SGCD: variants seen among roughly 807,000 people sequenced by gnomAD.
SGCD encodes the protein sarcoglycan delta, also known as delta-sarcoglycan.
A neutral mutation model predicts 36.6 loss-of-function variants in SGCD; 18 were observed. That is an observed-to-expected ratio of 0.49 (90% confidence interval 0.34 to 0.73). The LOEUF is 0.73. SGCD is among the 30% of genes least tolerant of loss of function. SGCD has a pLI of 0.01. For missense variants in SGCD, 387 were observed against 346.7 expected (o/e 1.12, Z -0.92); for synonymous variants, 133 against 130.6 (o/e 1.02, Z -0.12).
At chr5:156,488,473 T>G (rs937256821) in intron 3 of SGCD, among the ~76,000 whole-genome samples, 5 of 152,088 alleles carry the variant, frequency 3.3e-5, no homozygotes, top group South Asian at 2.1e-4. Flanking sequence ...ATATAAATCT[T>G]ACAGGCCAGG....
chr5:155,924,198 A>C (rs1212923815), intron 1 of SGCD, among the ~76,000 whole-genome samples: 1 of 152,234 alleles, frequency 6.6e-6, no homozygotes, highest in Non-Finnish European at 1.5e-5. Context: ...TACAATTTTT[A>C]CCCAACCCAA....
intron 1 of SGCD, among the ~76,000 whole-genome samples, chr5:155,877,286 C>G (rs1168481768): frequency 6.6e-6 from 1 of 152,072 alleles, no homozygotes; most frequent in African/African-American, 2.4e-5. Context: ...AATTCCCAGG[C>G]ATGGTCGTCT....
chr5:156,117,957 G>A (rs1181710959), intron 2 of SGCD: 4 of 152,120 alleles, frequency 2.6e-5, no homozygotes, highest in Non-Finnish European at 1.5e-5. Context: ...ATGAGGTGAT[G>A]CTGATCTATT....
intron 7 of SGCD, among the ~76,000 whole-genome samples, chr5:156,670,336 G>T (rs1753236270): frequency 6.6e-6 from 1 of 152,302 alleles, no homozygotes; most frequent in Admixed American, 6.5e-5. Flanking sequence ...CTCAAATAGA[G>T]TAATGTGATT....
At chr5:155,912,444 G>A (rs1488123101) in intron 1 of SGCD, among the ~76,000 whole-genome samples, 1 of 152,028 alleles carries the variant, frequency 6.6e-6, no homozygotes, top group Admixed American at 6.6e-5. Flanking sequence ...GCTTCCTATT[G>A]GGGCATGAAC....
chr5:155,756,470 G>GCC, the SGCD span, among the ~76,000 whole-genome samples: 6 of 152,012 alleles, frequency 3.9e-5, no homozygotes, highest in African/African-American at 1.5e-4. Context: ...CCCCCAAATT[G>GCC]TTGATATCTT....
chr5:156,240,723 A>T (rs916373159), intron 3 of SGCD, among the ~76,000 whole-genome samples: 1 of 152,164 alleles, frequency 6.6e-6, no homozygotes, highest in Non-Finnish European at 1.5e-5. Context: ...TATGTTTTTG[A>T]GTTTTTGTTT....
chr5:156,616,161 C>T (rs531555622), intron 6 of SGCD, among the ~76,000 whole-genome samples: 2 of 152,296 alleles, frequency 1.3e-5, no homozygotes, highest in East Asian at 3.9e-4. Context: ...TGTATTCTGT[C>T]TTCAGCTCTG....
intron 3 of SGCD, among the ~76,000 whole-genome samples, chr5:156,306,225 C>T (rs115821479): frequency 0.013 from 2,053 of 152,204 alleles, 22 homozygotes; most frequent in Non-Finnish European, 0.022. Flanking sequence ...CCATGTATTG[C>T]GAGAGACACC....
chr5:156,737,329 A>G lies in SGCD; in HGVS notation c.576-20252A>G, dbSNP rs75240252. On this transcript the variant is annotated intron_variant, in intron 7 of 8. Transcript: ENST00000337851. ...CAGTGGGAACATCTACTCTGCTGCT[A>G]GCTGAGTTACCTTAGGCTTAACTTC... Among the ~76,000 whole-genome samples, 509 of 152,290 alleles carry G rather than the reference A, an allele frequency of 3.3e-3. 5 individuals carry two copies. The highest frequency in any genetic ancestry group is 0.011 in the African/African-American group (470 of 41,560).
intron 3 of SGCD, among the ~76,000 whole-genome samples, chr5:156,267,746 A>T (rs1039372745): frequency 6.6e-6 from 1 of 152,236 alleles, no homozygotes; most frequent in Admixed American, 6.5e-5. Flanking sequence ...GTAAATTGAC[A>T]AAGCCAAATG....
chr5:156,721,886 TAGAAA>T (rs1581464846), intron 7 of SGCD, among the ~76,000 whole-genome samples: 2 of 152,164 alleles, frequency 1.3e-5, no homozygotes, highest in Admixed American at 6.6e-5. Flanking sequence ...GCAAGGTCAT[TAGAAA>T]AGAAAAGGAA....
At chr5:155,730,445 C>CTGTGTGTGTGTGTGTGTGTATG in the SGCD span, among the ~76,000 whole-genome samples, 1 of 137,196 alleles carries the variant, frequency 7.3e-6, no homozygotes, top group Non-Finnish European at 1.6e-5. Flanking sequence ...GGTAGAGCAG[C>CTGTGTGTGTGTGTGTGTGTATG]TGTGTGTGTG....
chr5:156,095,208 AAGAGG>A (rs1761346160), intron 1 of SGCD, among the ~76,000 whole-genome samples: 2 of 152,142 alleles, frequency 1.3e-5, no homozygotes, highest in Non-Finnish European at 2.9e-5. Context: ...TTGCAATCCC[AAGAGG>A]TATGCCTACG....
intron 3 of SGCD, among the ~76,000 whole-genome samples, chr5:156,500,370 G>A (rs1030435795): frequency 6.6e-6 from 1 of 152,044 alleles, no homozygotes; most frequent in Non-Finnish European, 1.5e-5. Flanking sequence ...CCCTCATGAA[G>A]ATTACATTCT....
chr5:156,487,921 A>G (rs1276795150), intron 3 of SGCD, among the ~76,000 whole-genome samples: 2 of 146,338 alleles, frequency 1.4e-5, no homozygotes, highest in Non-Finnish European at 1.5e-5. Context: ...CAAAGAATTC[A>G]GAAAAAATTC....
the SGCD span, among the ~76,000 whole-genome samples, chr5:155,741,372 T>G: frequency 1.3e-5 from 2 of 152,334 alleles, 1 homozygote; most frequent in Admixed American, 1.3e-4. Flanking sequence ...GAATGTGGAT[T>G]TTTCCCTGTA....
chr5:156,308,088 T>C (rs911727258), intron 3 of SGCD, among the ~76,000 whole-genome samples: 1 of 152,212 alleles, frequency 6.6e-6, no homozygotes, highest in African/African-American at 2.4e-5. Flanking sequence ...GAACTTTATT[T>C]CTTTATATGC....
At chr5:155,895,301 G>A (rs1407751437) in intron 1 of SGCD, among the ~76,000 whole-genome samples, 2 of 152,210 alleles carry the variant, frequency 1.3e-5, no homozygotes, top group African/African-American at 4.8e-5. Flanking sequence ...ATTAAGTGCT[G>A]TCTGATTGGA....
Sources: allele counts gnomAD v4.1 joint callset (sites outside exome capture counted in the v4.1 genomes callset), GRCh38; gene constraint gnomAD v4.1.1; transcripts MANE v1.5; gene names NCBI Gene and HGNC (gene_info 2026-07-23, HGNC 2026-07-21).